Variants in CTNNA3 observed in about 807,000 individuals in gnomAD.
CTNNA3 encodes the protein catenin alpha-3.
In CTNNA3, 76 loss-of-function variants were observed where a neutral mutation model predicts 95.7. That is an observed-to-expected ratio of 0.79 (90% CI 0.66 to 0.96). CTNNA3 has a LOEUF of 0.96. Ranked by LOEUF, CTNNA3 falls within the 40% of genes least tolerant of loss-of-function variation. CTNNA3 has a pLI of 0.00. For missense variants in CTNNA3, 1,191 were observed against 1,089.8 expected (o/e 1.09, Z -1.31); for synonymous variants, 431 against 374.4 (o/e 1.15, Z -1.74).
chr10:66,700,977 CA>C (rs1847924591), intron 9 of CTNNA3, among the ~76,000 whole-genome samples: 1 of 152,046 alleles, frequency 6.6e-6, no homozygotes, highest in Non-Finnish European at 1.5e-5. Flanking sequence ...CTATTTTTAA[CA>C]GCTTTATTGA....
At chr10:66,697,676 G>A (rs1847814001) in intron 9 of CTNNA3, among the ~76,000 whole-genome samples, 1 of 151,886 alleles carries the variant, frequency 6.6e-6, no homozygotes, top group African/African-American at 2.4e-5. Flanking sequence ...TTTCAAAATG[G>A]GTATAAATTA....
At chr10:67,645,100 A>T (rs1440536514) in intron 2 of CTNNA3, among the ~76,000 whole-genome samples, 3 of 152,152 alleles carry the variant, frequency 2.0e-5, no homozygotes, top group Admixed American at 1.3e-4. Flanking sequence ...TACTCAGGTC[A>T]TTTTCATCCT....
At chr10:67,586,439 G>GTC (rs559156866) in intron 3 of CTNNA3, among the ~76,000 whole-genome samples, 86 of 152,134 alleles carry the variant, frequency 5.7e-4, no homozygotes, top group African/African-American at 2.0e-3. Context: ...CCATATTGCT[G>GTC]TCTCTCTCTC....
chr10:66,603,840 C>T (rs1412846309), intron 10 of CTNNA3, among the ~76,000 whole-genome samples: 1 of 152,104 alleles, frequency 6.6e-6, no homozygotes, highest in Non-Finnish European at 1.5e-5. Flanking sequence ...AAGACAGTCT[C>T]TTTAATAAAT....
At chr10:66,100,684 A>T (rs2081588764) in intron 14 of CTNNA3, among the ~76,000 whole-genome samples, 1 of 152,320 alleles carries the variant, frequency 6.6e-6, no homozygotes, top group East Asian at 1.9e-4. Context: ...CATAGAGATC[A>T]TCAAGTTTGT....
chr10:66,711,130 C>G (rs899579523), intron 9 of CTNNA3, among the ~76,000 whole-genome samples: 20 of 151,904 alleles, frequency 1.3e-4, no homozygotes, highest in African/African-American at 4.6e-4. Flanking sequence ...CTATTTTCTA[C>G]CAATTGACAC....
intron 5 of CTNNA3, among the ~76,000 whole-genome samples, chr10:67,311,357 G>A: frequency 6.6e-6 from 1 of 152,168 alleles, no homozygotes; most frequent in East Asian, 1.9e-4. Flanking sequence ...ATGGAAGGAG[G>A]GGGGTTGGGA....
chr10:67,625,107 T>G (rs1245509127), intron 2 of CTNNA3, among the ~76,000 whole-genome samples: 1 of 152,212 alleles, frequency 6.6e-6, no homozygotes, highest in East Asian at 1.9e-4. Context: ...CTAAAAGGAC[T>G]AGGAACCCGG....
intron 9 of CTNNA3, among the ~76,000 whole-genome samples, chr10:66,672,553 G>A (rs945049796): frequency 3.9e-5 from 6 of 151,960 alleles, no homozygotes; most frequent in African/African-American, 7.3e-5. Flanking sequence ...ACTTTTTTAC[G>A]ACATTGTCAC....
At chr10:67,122,924 C>T (rs1859538870) in intron 7 of CTNNA3, among the ~76,000 whole-genome samples, 1 of 152,022 alleles carries the variant, frequency 6.6e-6, no homozygotes, top group Non-Finnish European at 1.5e-5. Context: ...AAAATAAGCA[C>T]TTCTACCAAG....
chr10:66,130,864 C>CAAAAAAAAAAAAA (rs1209953818), intron 13 of CTNNA3, among the ~76,000 whole-genome samples: 1 of 83,298 alleles, frequency 1.2e-5, no homozygotes, highest in African/African-American at 3.9e-5. Flanking sequence ...CAAAAACAAA[C>CAAAAAAAAAAAAA]AAAAAAAAAA....
rs919094439 is a variant in CTNNA3 at position 67,447,371 on chromosome 10, A to G, written c.579+74471T>C. On this transcript the variant is annotated intron_variant, in intron 5 of 17. Coordinates refer to ENST00000433211, the MANE Select transcript of CTNNA3 (RefSeq NM_013266.4). ...TAGATTGCCTATGATATGCAACACAATCTAGTTTAATGCTTATTCAATGAT... is the reference window on the plus strand; with the variant it reads ...TAGATTGCCTATGATATGCAACACAGTCTAGTTTAATGCTTATTCAATGAT... 5.7e-4 allele frequency among the ~76,000 whole-genome samples: 87 copies of G among 152,200 alleles called. 1 individual carries two copies. The highest frequency in any genetic ancestry group is 5.6e-3 in the Admixed American group (86 of 15,290).
chr10:67,236,713 A>G (rs1284752597), intron 5 of CTNNA3, among the ~76,000 whole-genome samples: 2 of 152,046 alleles, frequency 1.3e-5, no homozygotes, highest in Non-Finnish European at 2.9e-5. Flanking sequence ...CAAATGGCCA[A>G]CAAACATATG....
At chr10:66,089,661 A>G (rs2081136001) in intron 14 of CTNNA3, among the ~76,000 whole-genome samples, 1 of 151,772 alleles carries the variant, frequency 6.6e-6, no homozygotes, top group South Asian at 2.1e-4. Context: ...CTTTGTTTTT[A>G]TCACTACACA....
intron 16 of CTNNA3, among the ~76,000 whole-genome samples, chr10:65,969,847 T>C (rs1054858525): frequency 2.6e-5 from 4 of 152,174 alleles, no homozygotes; most frequent in Admixed American, 2.6e-4. Context: ...GAAAAAATAC[T>C]TGAAGTGATA....
At chr10:67,140,563 A>T (rs988555206) in intron 7 of CTNNA3, among the ~76,000 whole-genome samples, 29 of 152,348 alleles carry the variant, frequency 1.9e-4, no homozygotes, top group African/African-American at 6.7e-4. Flanking sequence ...ATGTACAAAG[A>T]GAGATGCCCT....
At chr10:66,205,545 T>C (rs2087705502) in intron 13 of CTNNA3, among the ~76,000 whole-genome samples, 1 of 151,948 alleles carries the variant, frequency 6.6e-6, no homozygotes, top group Admixed American at 6.6e-5. Flanking sequence ...GAATCTAACT[T>C]GTGTGAAAAC....
chr10:66,428,059 T>A (rs888515436), intron 11 of CTNNA3, among the ~76,000 whole-genome samples: 3 of 151,938 alleles, frequency 2.0e-5, no homozygotes, highest in African/African-American at 4.8e-5. Flanking sequence ...TGGAGGAAGA[T>A]CTATCAAGCA....
chr10:66,974,074 CCT>C (rs2132842593), intron 7 of CTNNA3, among the ~76,000 whole-genome samples: 1 of 152,222 alleles, frequency 6.6e-6, no homozygotes, highest in East Asian at 1.9e-4. Context: ...AAAAAGTTGC[CCT>C]GAGTCTCTCT....
Sources: allele counts gnomAD v4.1 joint callset (sites outside exome capture counted in the v4.1 genomes callset), GRCh38; gene constraint gnomAD v4.1.1; transcripts MANE v1.5; gene names NCBI Gene and HGNC (gene_info 2026-07-23, HGNC 2026-07-21).